Variants in TENM2 observed in about 807,000 individuals in gnomAD.
TENM2 encodes the protein teneurin transmembrane protein 2.
In TENM2, 52 loss-of-function variants were observed where a neutral mutation model predicts 245.2. The ratio of observed to expected loss-of-function variants is 0.21; its 90% confidence interval spans 0.17 to 0.27. The LOEUF is 0.27. Ranked by LOEUF, TENM2 falls within the 10% of genes least tolerant of loss-of-function variation. TENM2 has a pLI of 1.00. For missense variants in TENM2, 3,046 were observed against 3,666.8 expected (o/e 0.83, Z 4.37); for synonymous variants, 1,363 against 1,438.9 (o/e 0.95, Z 1.19).
In TENM2 at chr5:167,501,613, T is replaced by C. The variant is rs1037842073; in HGVS notation, c.502+126140T>C. Reference sequence around the variant, plus strand: ...TTATCTCCTTGTTTCTCCCAAACTCTGCCACTTTTCACATTACCCACTGAA... The same window carrying C: ...TTATCTCCTTGTTTCTCCCAAACTCCGCCACTTTTCACATTACCCACTGAA... On this transcript the variant is annotated intron_variant, in intron 2 of 28. Transcript: ENST00000518659. Among the ~76,000 whole-genome samples the C allele has an allele frequency of 6.6e-5, 10 of 152,286 alleles. 1 individual carries two copies. Among genetic ancestry groups the C allele is most frequent in the South Asian group, 4.1e-4 (2 of 4,828 alleles).
intron 2 of TENM2, among the ~76,000 whole-genome samples, chr5:167,460,523 C>T (rs1766231490): frequency 6.6e-6 from 1 of 152,072 alleles, no homozygotes; most frequent in South Asian, 2.1e-4. Context: ...GTTCATCTCT[C>T]TCTAACTCTC....
At chr5:167,411,516 A>T (rs1481635831) in intron 2 of TENM2, among the ~76,000 whole-genome samples, 3 of 151,168 alleles carry the variant, frequency 2.0e-5, no homozygotes, top group African/African-American at 7.3e-5. Context: ...AAAGGCTATG[A>T]TATTTGTTAC....
At chr5:167,762,928 A>G (rs1299441752) in intron 2 of TENM2, among the ~76,000 whole-genome samples, 1 of 152,184 alleles carries the variant, frequency 6.6e-6, no homozygotes, top group Non-Finnish European at 1.5e-5. Context: ...ACTTTACCAA[A>G]ATTCAATTGA....
At chr5:167,626,434 G>A (rs1778505591) in intron 2 of TENM2, among the ~76,000 whole-genome samples, 2 of 152,194 alleles carry the variant, frequency 1.3e-5, no homozygotes, top group Non-Finnish European at 2.9e-5. Context: ...AACAATTCCA[G>A]TCTTCCTTAT....
chr5:167,198,343 G>C, the TENM2 span, among the ~76,000 whole-genome samples: 2 of 152,076 alleles, frequency 1.3e-5, no homozygotes, highest in African/African-American at 4.8e-5. Flanking sequence ...ATCAATTTCT[G>C]TGCAGTTCAC....
intron 2 of TENM2, among the ~76,000 whole-genome samples, chr5:167,537,988 T>C (rs1420699565): frequency 2.0e-5 from 3 of 152,166 alleles, no homozygotes; most frequent in Non-Finnish European, 4.4e-5. Flanking sequence ...AGGAAACTGT[T>C]TGAAATGTTG....
intron 1 of TENM2, among the ~76,000 whole-genome samples, chr5:167,341,340 A>AT (rs901985392): frequency 1.2e-4 from 18 of 151,896 alleles, no homozygotes; most frequent in African/African-American, 1.7e-4. Flanking sequence ...ATTTTTCAGT[A>AT]TTTTTTTTCC....
chr5:167,014,140 C>CTTTTT, the TENM2 span, among the ~76,000 whole-genome samples: 3 of 128,652 alleles, frequency 2.3e-5, no homozygotes, highest in Admixed American at 8.2e-5. Context: ...AAAACCAATT[C>CTTTTT]TTTTTTTTTT....
chr5:167,805,017 G>A (rs1484946945), intron 2 of TENM2, among the ~76,000 whole-genome samples: 2 of 152,134 alleles, frequency 1.3e-5, no homozygotes, highest in African/African-American at 2.4e-5. Flanking sequence ...TTCACCTTTG[G>A]TGACTCTGCA....
At chr5:167,679,671 T>A (rs1258418484) in intron 2 of TENM2, among the ~76,000 whole-genome samples, 2 of 152,198 alleles carry the variant, frequency 1.3e-5, no homozygotes, top group Non-Finnish European at 2.9e-5. Context: ...TCCTGAAACA[T>A]GTTATTAGAA....
intron 2 of TENM2, among the ~76,000 whole-genome samples, chr5:167,693,961 A>C (rs1757596746): frequency 6.6e-6 from 1 of 152,210 alleles, no homozygotes; most frequent in Non-Finnish European, 1.5e-5. Context: ...CCTTTTAACT[A>C]TTTAAAATAT....
chr5:167,017,667 T>C, the TENM2 span, among the ~76,000 whole-genome samples: 31 of 152,330 alleles, frequency 2.0e-4, no homozygotes, highest in Middle Eastern at 3.4e-3. Flanking sequence ...AATTTCAATA[T>C]TGGACACATC....
At chr5:168,190,735 C>T (rs569149240) in intron 14 of TENM2, 188 bp downstream of exon 16, 265 of 537,680 alleles carry the variant, frequency 4.9e-4, no homozygotes, top group Non-Finnish European at 7.9e-4. Context: ...AGAACAGAGC[C>T]CTAGTGTCTT....
At chr5:167,633,721 A>G (rs1444424144) in intron 2 of TENM2, among the ~76,000 whole-genome samples, 1 of 151,948 alleles carries the variant, frequency 6.6e-6, no homozygotes, top group African/African-American at 2.4e-5. Flanking sequence ...TTATAATAAT[A>G]TTGACTAATC....
At chr5:168,239,141 A>G (rs1258336577) in intron 25 of TENM2, among the ~76,000 whole-genome samples, 1 of 152,170 alleles carries the variant, frequency 6.6e-6, no homozygotes, top group East Asian at 1.9e-4. Context: ...CAAAGGGCCG[A>G]TCGTGCCTGT....
chr5:167,106,023 T>C, the TENM2 span, among the ~76,000 whole-genome samples: 1 of 152,010 alleles, frequency 6.6e-6, no homozygotes, highest in African/African-American at 2.4e-5. Context: ...ACAGAGTTTT[T>C]TTTTCATTTT....
chr5:167,977,876 C>G (rs908439028), intron 4 of TENM2, among the ~76,000 whole-genome samples: 1 of 152,028 alleles, frequency 6.6e-6, no homozygotes, highest in Non-Finnish European at 1.5e-5. Flanking sequence ...GAATGTGATC[C>G]CCAATGTTGG....
the TENM2 span, among the ~76,000 whole-genome samples, chr5:167,140,229 G>A: frequency 2.1e-4 from 32 of 152,270 alleles, no homozygotes; most frequent in Admixed American, 1.7e-3. Context: ...ACATAGGCAT[G>A]CAATGTGAAA....
chr5:167,038,041 A>C, the TENM2 span, among the ~76,000 whole-genome samples: 4 of 152,352 alleles, frequency 2.6e-5, no homozygotes, highest in East Asian at 7.7e-4. Context: ...GACCTCCTGG[A>C]AGGCAGAACA....
Sources: gnomAD v4.1 joint callset for allele counts (sites outside exome capture counted in the v4.1 genomes callset) on GRCh38, gnomAD v4.1.1 for gene constraint, MANE v1.5 for transcripts, NCBI Gene and HGNC (gene_info 2026-07-23, HGNC 2026-07-21) for gene names.